MAGI2: variants seen among roughly 807,000 people sequenced by gnomAD.
The protein encoded by MAGI2 is membrane-associated guanylate kinase, WW and PDZ domain-containing protein 2.
In MAGI2, 35 loss-of-function variants were observed where a neutral mutation model predicts 133.3. The observed-to-expected ratio is 0.26, with a 90% confidence interval of 0.20 to 0.35. MAGI2 has a LOEUF of 0.35. Ranked by LOEUF, MAGI2 falls within the 10% of genes least tolerant of loss-of-function variation. The pLI is 1.00. For synonymous variants in MAGI2, 729 were observed against 710.6 expected (o/e 1.03, Z -0.41); for missense variants, 1,636 against 1,863.4 (o/e 0.88, Z 2.25).
chr7:78,851,375 G>T lies in MAGI2; in HGVS notation c.418+155715C>A, dbSNP rs893918090. On this transcript the variant is annotated intron_variant, in intron 2 of 21. Coordinates refer to ENST00000354212, the MANE Select transcript of MAGI2 (RefSeq NM_012301.4). ...CCTGGAGTGCTGTGAGGGGCACAAT[G>T]TTCTTTGGAAATTCCGACAGAGAGT... Among the ~76,000 whole-genome samples the T allele has an allele frequency of 2.6e-5, 4 of 152,066 alleles. No homozygotes were observed. In the South Asian group the frequency reaches 8.3e-4, roughly 32 times the overall value.
At chr7:78,947,169 AC>A (rs1432372831) in intron 2 of MAGI2, among the ~76,000 whole-genome samples, 7 of 152,230 alleles carry the variant, frequency 4.6e-5, no homozygotes, top group East Asian at 1.9e-4. Flanking sequence ...AACAAAAAAA[AC>A]AAACCAAAAC....
chr7:78,991,389 T>C (rs1805768510), intron 2 of MAGI2, among the ~76,000 whole-genome samples: 3 of 151,718 alleles, frequency 2.0e-5, no homozygotes, highest in South Asian at 4.2e-4. Context: ...TATAGTTGTC[T>C]ACATCTATAT....
intron 2 of MAGI2, among the ~76,000 whole-genome samples, chr7:78,899,838 T>C (rs562250515): frequency 3.9e-5 from 6 of 152,308 alleles, no homozygotes; most frequent in Admixed American, 2.0e-4. Context: ...GAATTACCAA[T>C]GGGCAAAGGT....
chr7:78,330,133 G>A lies in MAGI2; in HGVS notation c.1408+13645C>T, dbSNP rs147998279. On this transcript the variant is annotated intron_variant, in intron 9 of 21. Transcript: ENST00000354212. ...GAGATTCATAATGGCTACCATTTCC[G>A]AGAGATTCCATGTGCCATGACCTAA... Among the ~76,000 whole-genome samples, 469 of 152,188 alleles carry A rather than the reference G, an allele frequency of 3.1e-3. 4 individuals are homozygous for A. Among genetic ancestry groups the A allele is most frequent in the Non-Finnish European group, 5.7e-3 (391 of 68,010 alleles).
At chr7:78,677,337 CCTAT>C (rs1408012488) in intron 2 of MAGI2, among the ~76,000 whole-genome samples, 2 of 150,954 alleles carry the variant, frequency 1.3e-5, no homozygotes, top group Non-Finnish European at 3.0e-5. Flanking sequence ...TGTATGGAAG[CCTAT>C]CTTTTTTCTC....
intron 1 of MAGI2, among the ~76,000 whole-genome samples, chr7:79,244,953 C>G (rs568066659): frequency 1.3e-5 from 2 of 152,284 alleles, no homozygotes; most frequent in South Asian, 2.1e-4. Flanking sequence ...TCCTGTTCCT[C>G]TAGTTCCTCT....
At chr7:79,019,688 G>C (rs776373090) in intron 1 of MAGI2, among the ~76,000 whole-genome samples, 5 of 152,032 alleles carry the variant, frequency 3.3e-5, no homozygotes, top group Non-Finnish European at 7.4e-5. Flanking sequence ...GGGACTACAG[G>C]TGTGAACTAC....
intron 2 of MAGI2, among the ~76,000 whole-genome samples, chr7:78,727,180 A>C (rs1450236774): frequency 6.6e-6 from 1 of 152,238 alleles, no homozygotes; most frequent in Non-Finnish European, 1.5e-5. Context: ...GGAAGTAGAC[A>C]CAAAAAGATG....
chr7:78,446,112 A>G (rs1356482151), intron 6 of MAGI2, among the ~76,000 whole-genome samples: 1 of 150,556 alleles, frequency 6.6e-6, no homozygotes, highest in Non-Finnish European at 1.5e-5. Context: ...TAAAGAAATT[A>G]TGTTTCTCTG....
At chr7:78,903,286 C>T (rs565622401) in intron 2 of MAGI2, among the ~76,000 whole-genome samples, 35 of 147,976 alleles carry the variant, frequency 2.4e-4, no homozygotes, top group African/African-American at 8.7e-4. Flanking sequence ...CTCCGCCTCC[C>T]GGGTTCACGC....
At chr7:78,395,174 T>C (rs1796230195) in intron 6 of MAGI2, among the ~76,000 whole-genome samples, 3 of 152,222 alleles carry the variant, frequency 2.0e-5, no homozygotes, top group Admixed American at 2.0e-4. Flanking sequence ...CTTTAGTGAT[T>C]CTTGTTTAAT....
At chr7:78,482,897 ACAC>A (rs1351952307) in intron 6 of MAGI2, among the ~76,000 whole-genome samples, 18 of 128,276 alleles carry the variant, frequency 1.4e-4, no homozygotes, top group African/African-American at 7.3e-4. Context: ...ACACACACAC[ACAC>A]ACACACACAC....
At chr7:78,532,836 G>T (rs10256955) in intron 3 of MAGI2, among the ~76,000 whole-genome samples, 9,436 of 152,168 alleles carry the variant, frequency 0.062, 967 homozygotes, top group African/African-American at 0.22. Flanking sequence ...ACTTAACCTG[G>T]ATTTTCTTTT....
intron 2 of MAGI2, among the ~76,000 whole-genome samples, chr7:78,977,625 C>A (rs988362660): frequency 1.3e-5 from 2 of 151,594 alleles, no homozygotes; most frequent in African/African-American, 4.8e-5. Context: ...TCTATGTGAA[C>A]TCTTGTTTGG....
At chr7:79,230,474 G>T (rs1458460764) in intron 1 of MAGI2, among the ~76,000 whole-genome samples, 2 of 151,680 alleles carry the variant, frequency 1.3e-5, no homozygotes, top group Admixed American at 1.3e-4. Flanking sequence ...ACTTTTTAAT[G>T]ACTGCCATTC....
chr7:78,630,642 C>T (rs1808883653), intron 2 of MAGI2, among the ~76,000 whole-genome samples: 1 of 151,922 alleles, frequency 6.6e-6, no homozygotes, highest in African/African-American at 2.4e-5. Context: ...GTCTCAATCT[C>T]CTGACCTTGT....
At chr7:78,462,251 A>T (rs6466234) in intron 6 of MAGI2, among the ~76,000 whole-genome samples, 138,531 of 152,212 alleles carry the variant, frequency 0.91, 64,500 homozygotes, top group East Asian at 1. Context: ...GGAAAAAGAC[A>T]ATAGTCATCA....
chr7:78,712,411 A>G (rs1819286492), intron 2 of MAGI2, among the ~76,000 whole-genome samples: 1 of 152,206 alleles, frequency 6.6e-6, no homozygotes, highest in African/African-American at 2.4e-5. Context: ...TGTATAACAA[A>G]TAGCTTATAA....
At position 79,299,598 on chromosome 7, in the gene MAGI2, CCTTTCTTGAAA is replaced by C. The variant is rs772852570; in HGVS notation, c.301+153411_301+153421del. On this transcript the variant is annotated intron_variant, in intron 1 of 21. Coordinates refer to ENST00000354212, the MANE Select transcript of MAGI2 (RefSeq NM_012301.4). Reference sequence around the variant, plus strand: ...AGATATCTTTATTGTCCAAGGCATTCCTTTCTTGAAATGGTAATATAAAATTATATATTTCA... The same window carrying C: ...AGATATCTTTATTGTCCAAGGCATTCTGGTAATATAAAATTATATATTTCA... 2.0e-3 allele frequency among the ~76,000 whole-genome samples: 303 copies of C among 147,922 alleles called. 1 individual carries two copies. Among genetic ancestry groups the C allele is most frequent in the Non-Finnish European group, 3.7e-3 (249 of 67,284 alleles).
Sources: allele counts gnomAD v4.1 joint callset (sites outside exome capture counted in the v4.1 genomes callset), GRCh38; gene constraint gnomAD v4.1.1; transcripts MANE v1.5; gene names NCBI Gene and HGNC (gene_info 2026-07-23, HGNC 2026-07-21).